The following AK5 variants were observed in gnomAD, a reference collection of about 807,000 sequenced individuals.
AK5 encodes adenylate kinase isoenzyme 5.
A neutral mutation model predicts 69.5 loss-of-function variants in AK5; 27 were observed. The observed-to-expected ratio is 0.39, with a 90% CI of 0.29 to 0.54. The LOEUF (loss-of-function observed/expected upper bound fraction) is 0.54. Among genes scored for constraint, AK5 ranks in the 20% least tolerant of loss-of-function variants. The probability of loss-of-function intolerance (pLI) is 0.71; values close to 1 mark genes in which losing one functional copy is unlikely to be tolerated. For synonymous variants in AK5, 260 were observed against 244.4 expected (o/e 1.06, Z -0.60); for missense variants, 531 against 700.4 (o/e 0.76, Z 2.73).
intron 6 of AK5, among the ~76,000 whole-genome samples, chr1:77,351,773 G>A (rs9439819): frequency 0.15 from 23,164 of 152,060 alleles, 2,239 homozygotes; most frequent in Non-Finnish European, 0.21. Context: ...GCTGCAAAAC[G>A]GAGTTTTTAG....
intron 6 of AK5, among the ~76,000 whole-genome samples, chr1:77,367,655 T>TATATATATGTTATATATA (rs1172049233): frequency 1.2e-5 from 1 of 85,144 alleles, no homozygotes; most frequent in South Asian, 3.8e-4. Flanking sequence ...TTATATATGT[T>TATATATATGTTATATATA]ATATATATGT....
intron 6 of AK5, among the ~76,000 whole-genome samples, chr1:77,381,740 T>A (rs910810489): frequency 6.6e-6 from 1 of 152,218 alleles, no homozygotes; most frequent in East Asian, 1.9e-4. Flanking sequence ...ACTATTCTCC[T>A]ACTATTACCC....
At chr1:77,518,433 GTATAGCAAATCTCA>G (rs1657790654) in intron 10 of AK5, 117 bp from the exon 11 acceptor site, 1 of 908,788 alleles carries the variant, frequency 1.1e-6, no homozygotes. Flanking sequence ...ACAGCTCCTG[GTATAGCAAATCTCA>G]AGTTCCCAAT....
chr1:77,502,275 G>T (rs1375907150), intron 10 of AK5, among the ~76,000 whole-genome samples: 1 of 152,126 alleles, frequency 6.6e-6, no homozygotes, highest in African/African-American at 2.4e-5. Flanking sequence ...GGCTTCTCCA[G>T]AGTTATCTCA....
intron 1 of AK5, among the ~76,000 whole-genome samples, chr1:77,284,240 AG>A (rs1658223797): frequency 6.6e-6 from 1 of 152,182 alleles, no homozygotes; most frequent in South Asian, 2.1e-4. Flanking sequence ...GCAGCTCAAG[AG>A]GGAAGGAAAA....
chr1:77,439,458 A>G lies in AK5; in HGVS notation c.1059+21743A>G, dbSNP rs528825847. Among the ~76,000 whole-genome samples the G allele has an allele frequency of 9.2e-5, 14 of 152,230 alleles. No homozygotes were observed. The East Asian group carries it at 2.5e-3, about 27-fold the overall frequency. On this transcript the variant is annotated intron_variant, in intron 8 of 13. Coordinates refer to ENST00000354567, the MANE Select transcript of AK5 (RefSeq NM_174858.3). ...TGAAATACACAATGAATTATTAACT[A>G]TAGTCACCCTACTTTGCTATCAAAA...
Position 77,460,047 on chromosome 1 carries a change from C to T in AK5, c.1060-23270C>T, listed in dbSNP as rs538146764. Reference sequence around the variant, plus strand: ...CAATCACTTCAGGCTCAAAGTACATCTGGTATCTCAGAGATATGACACACT... The same window carrying T: ...CAATCACTTCAGGCTCAAAGTACATTTGGTATCTCAGAGATATGACACACT... On this transcript the variant is annotated intron_variant, in intron 8 of 13. Coordinates refer to ENST00000354567, the MANE Select transcript of AK5 (RefSeq NM_174858.3). 2.6e-5 allele frequency among the ~76,000 whole-genome samples: 4 copies of T among 152,262 alleles called. No individual in the cohort carries two copies. The East Asian group carries it at 7.7e-4, about 29-fold the overall frequency.
At chr1:77,429,173 C>T (rs1002743174) in intron 8 of AK5, among the ~76,000 whole-genome samples, 1 of 152,170 alleles carries the variant, frequency 6.6e-6, no homozygotes, top group African/African-American at 2.4e-5. Flanking sequence ...TGAGGAATCG[C>T]CACACTGACT....
intron 10 of AK5, among the ~76,000 whole-genome samples, chr1:77,503,574 G>A (rs1656848695): frequency 6.6e-6 from 1 of 152,132 alleles, no homozygotes; most frequent in African/African-American, 2.4e-5. Context: ...AACTGATTAA[G>A]ACTGGATAGA....
intron 10 of AK5, among the ~76,000 whole-genome samples, chr1:77,517,765 T>C (rs929725370): frequency 6.6e-6 from 1 of 152,164 alleles, no homozygotes; most frequent in Non-Finnish European, 1.5e-5. Context: ...TCTTCAAATG[T>C]GTCAAGGAAA....
intron 6 of AK5, among the ~76,000 whole-genome samples, chr1:77,379,172 G>T (rs1055679804): frequency 2.0e-5 from 3 of 152,174 alleles, no homozygotes; most frequent in Admixed American, 2.0e-4. Flanking sequence ...TGTGGCAGGG[G>T]TCCCTTGCTT....
At chr1:77,287,627 A>G (rs1658433490) in intron 2 of AK5, among the ~76,000 whole-genome samples, 1 of 152,268 alleles carries the variant, frequency 6.6e-6, no homozygotes, top group Admixed American at 6.5e-5. Flanking sequence ...GTTAAATCTA[A>G]AGGAGTTTAA....
intron 6 of AK5, among the ~76,000 whole-genome samples, chr1:77,410,694 A>G (rs1027621572): frequency 1.3e-5 from 2 of 152,212 alleles, no homozygotes; most frequent in African/African-American, 4.8e-5. Context: ...GAAAGCCACA[A>G]GATAAATTTC....
chr1:77,515,311 TCTATTAG>T (rs1042039426), intron 10 of AK5, among the ~76,000 whole-genome samples: 2 of 152,128 alleles, frequency 1.3e-5, no homozygotes, highest in South Asian at 2.1e-4. Flanking sequence ...GAGGGGCCCT[TCTATTAG>T]AAAGGGTCAA....
chr1:77,444,201 A>G (rs1333725311), intron 8 of AK5, among the ~76,000 whole-genome samples: 1 of 131,584 alleles, frequency 7.6e-6, no homozygotes, highest in East Asian at 2.1e-4. Flanking sequence ...AGTGGTATAT[A>G]TATATATATA....
intron 8 of AK5, among the ~76,000 whole-genome samples, chr1:77,442,001 C>G (rs1291685703): frequency 6.6e-6 from 1 of 152,126 alleles, no homozygotes; most frequent in Non-Finnish European, 1.5e-5. Context: ...CAGGGCACAG[C>G]CCTGGCCTGA....
intron 5 of AK5, among the ~76,000 whole-genome samples, chr1:77,324,308 T>TGAC (rs1553132667): frequency 5.3e-5 from 8 of 150,544 alleles, no homozygotes; most frequent in Non-Finnish European, 7.4e-5. Context: ...AAAAAAAAGT[T>TGAC]CACCATTTGC....
chr1:77,510,497 C>A (rs1026856310), intron 10 of AK5, among the ~76,000 whole-genome samples: 1 of 151,730 alleles, frequency 6.6e-6, no homozygotes, highest in Non-Finnish European at 1.5e-5. Flanking sequence ...GAAATGGAAA[C>A]AGGCAGTTTT....
chr1:77,394,102 C>T (rs889113194), intron 6 of AK5, among the ~76,000 whole-genome samples: 3 of 151,710 alleles, frequency 2.0e-5, no homozygotes, highest in African/African-American at 7.3e-5. Context: ...GTAGTTCCAG[C>T]TACTCGGGAG....
Sources: allele counts gnomAD v4.1 joint callset (sites outside exome capture counted in the v4.1 genomes callset), GRCh38; gene constraint gnomAD v4.1.1; transcripts MANE v1.5; gene names NCBI Gene and HGNC (gene_info 2026-07-23, HGNC 2026-07-21).